LDLRAD4: variants seen among roughly 807,000 people sequenced by gnomAD.
LDLRAD4 encodes low density lipoprotein receptor class A domain containing 4.
In LDLRAD4, 5 loss-of-function variants were observed where a neutral mutation model predicts 17.0. The ratio of observed to expected loss-of-function variants is 0.29; its 90% CI spans 0.15 to 0.62. The LOEUF is 0.62. Among genes scored for constraint, LDLRAD4 ranks in the 20% least tolerant of loss-of-function variants. The pLI is 0.84. For missense variants in LDLRAD4, 340 were observed against 424.7 expected, an observed-to-expected ratio of 0.80 and a Z score of 1.75; for synonymous variants, 168 against 171.8, an observed-to-expected ratio of 0.98 and a Z score of 0.17.
intron 1 of LDLRAD4, among the ~76,000 whole-genome samples, chr18:13,261,770 T>G (rs183273503): frequency 6.6e-6 from 1 of 152,068 alleles, no homozygotes; most frequent in African/African-American, 2.4e-5. Flanking sequence ...CTTACCCGGC[T>G]GCAGGCAGCA....
intron 5 of LDLRAD4, among the ~76,000 whole-genome samples, chr18:13,643,799 T>C (rs1289749703): frequency 1.3e-5 from 2 of 152,252 alleles, no homozygotes; most frequent in African/African-American, 4.8e-5. Flanking sequence ...GTTAAAAATA[T>C]TGGTGTGAGA....
intron 1 of LDLRAD4, among the ~76,000 whole-genome samples, chr18:13,325,112 G>A (rs1244864793): frequency 6.6e-6 from 1 of 152,198 alleles, no homozygotes; most frequent in Non-Finnish European, 1.5e-5. Flanking sequence ...AACTTACATT[G>A]TTAGGGTGAA....
chr18:13,435,926 A>G (rs1333986865), intron 2 of LDLRAD4, among the ~76,000 whole-genome samples: 1 of 152,262 alleles, frequency 6.6e-6, no homozygotes, highest in Non-Finnish European at 1.5e-5. Flanking sequence ...AGTCTCTCAC[A>G]TTCCTTAAAG....
At chr18:13,287,024 G>T (rs193237651) in intron 1 of LDLRAD4, among the ~76,000 whole-genome samples, 1 of 152,178 alleles carries the variant, frequency 6.6e-6, no homozygotes, top group East Asian at 1.9e-4. Context: ...GGACCAGCCC[G>T]TGTGGCTGGA....
intron 1 of LDLRAD4, among the ~76,000 whole-genome samples, chr18:13,257,575 T>C (rs2043574780): frequency 6.6e-6 from 1 of 152,220 alleles, no homozygotes; most frequent in South Asian, 2.1e-4. Flanking sequence ...GAGTCCGGCC[T>C]GCAGCCTGGA....
intron 1 of LDLRAD4, among the ~76,000 whole-genome samples, chr18:13,259,382 T>C (rs958510847): frequency 7.2e-5 from 11 of 152,248 alleles, no homozygotes; most frequent in Non-Finnish European, 1.3e-4. Flanking sequence ...CACTGTGTTG[T>C]CCAGGCTGGT....
chr18:13,439,682 C>G (rs529159743), intron 3 of LDLRAD4, among the ~76,000 whole-genome samples: 17 of 152,312 alleles, frequency 1.1e-4, no homozygotes, highest in Non-Finnish European at 2.1e-4. Context: ...GGCACTTGCT[C>G]TGGGTGTGCT....
At chr18:13,471,907 A>C (rs1264522639) in intron 3 of LDLRAD4, 1 of 152,254 alleles carries the variant, frequency 6.6e-6, no homozygotes. Flanking sequence ...CGCATAATTA[A>C]TATCTAATTG....
intron 2 of LDLRAD4, among the ~76,000 whole-genome samples, chr18:13,411,635 A>G (rs1292045493): frequency 6.6e-6 from 1 of 152,182 alleles, no homozygotes; most frequent in South Asian, 2.1e-4. Context: ...GCCTGCTACC[A>G]GGTAAGACGT....
chr18:13,374,330 T>C (rs1457092163), intron 1 of LDLRAD4, among the ~76,000 whole-genome samples: 1 of 152,232 alleles, frequency 6.6e-6, no homozygotes, highest in Non-Finnish European at 1.5e-5. Context: ...AGGCTGCCGA[T>C]GGGAGCAAGC....
chr18:13,578,249 T>A (rs2094802959), intron 3 of LDLRAD4, among the ~76,000 whole-genome samples: 1 of 152,226 alleles, frequency 6.6e-6, no homozygotes, highest in African/African-American at 2.4e-5. Flanking sequence ...TTTTTCCCCA[T>A]TAAATAATTG....
At chr18:13,447,998 G>A (rs1227556224) in intron 3 of LDLRAD4, among the ~76,000 whole-genome samples, 1 of 152,204 alleles carries the variant, frequency 6.6e-6, no homozygotes, top group Non-Finnish European at 1.5e-5. Context: ...CCGGGAGGGT[G>A]TAGGGAGAGG....
intron 2 of LDLRAD4, among the ~76,000 whole-genome samples, chr18:13,423,225 G>A (rs1298760846): frequency 3.3e-5 from 5 of 152,174 alleles, no homozygotes; most frequent in Admixed American, 6.5e-5. Context: ...GGGCGTGGTG[G>A]CTCATGCCTG....
At chr18:13,253,662 A>T (rs1348062199) in intron 1 of LDLRAD4, among the ~76,000 whole-genome samples, 2 of 152,150 alleles carry the variant, frequency 1.3e-5, no homozygotes, top group Non-Finnish European at 2.9e-5. Context: ...AAGAAAAGAG[A>T]GTGGAATTCG....
chr18:13,612,492 G>A, intron 3 of LDLRAD4: 1 of 1,346,162 alleles, frequency 7.4e-7, no homozygotes. Context: ...TAGCACCTGG[G>A]GTGGGCCCTG....
At chr18:13,459,750 T>A (rs1395633519) in intron 3 of LDLRAD4, among the ~76,000 whole-genome samples, 2 of 152,186 alleles carry the variant, frequency 1.3e-5, no homozygotes, top group African/African-American at 2.4e-5. Context: ...GAGATACATA[T>A]GGCTTTGTCT....
At chr18:13,636,039 T>C (rs2042054312) in intron 4 of LDLRAD4, among the ~76,000 whole-genome samples, 1 of 152,148 alleles carries the variant, frequency 6.6e-6, no homozygotes, top group Non-Finnish European at 1.5e-5. Flanking sequence ...TGTTTACTGC[T>C]GTCAAAACCC....
At chr18:13,284,853 G>A (rs2045521814) in intron 1 of LDLRAD4, among the ~76,000 whole-genome samples, 1 of 152,212 alleles carries the variant, frequency 6.6e-6, no homozygotes, top group Non-Finnish European at 1.5e-5. Context: ...ACTCGCCCGT[G>A]GCAGCTGGTG....
At chr18:13,533,528 G>T (rs1393713956) in intron 3 of LDLRAD4, among the ~76,000 whole-genome samples, 2 of 152,090 alleles carry the variant, frequency 1.3e-5, no homozygotes, top group Non-Finnish European at 2.9e-5. Flanking sequence ...AGTGTGCCTG[G>T]CAAGAATTTG....
Sources: gnomAD v4.1 joint callset for allele counts (sites outside exome capture counted in the v4.1 genomes callset) on GRCh38, gnomAD v4.1.1 for gene constraint, MANE v1.5 for transcripts, NCBI Gene and HGNC (gene_info 2026-07-23, HGNC 2026-07-21) for gene names.